Variants in RCAN2 observed in about 807,000 individuals in gnomAD.
The protein encoded by RCAN2 is regulator of calcineurin 2.
A neutral mutation model predicts 23.6 loss-of-function variants in RCAN2; 9 were observed. The ratio of observed to expected loss-of-function variants is 0.38; its 90% CI spans 0.23 to 0.67. The LOEUF (loss-of-function observed/expected upper bound fraction) is 0.67, where lower values mean the gene tolerates loss of function less well. Ranked by LOEUF, RCAN2 falls within the 30% of genes least tolerant of loss-of-function variation. The pLI is 0.51. For synonymous variants in RCAN2, 109 were observed against 115.7 expected (o/e 0.94, Z 0.37); for missense variants, 273 against 302.3 (o/e 0.90, Z 0.72).
chr6:46,316,585 T>C (rs1463250190), intron 2 of RCAN2, among the ~76,000 whole-genome samples: 1 of 152,196 alleles, frequency 6.6e-6, no homozygotes, highest in Non-Finnish European at 1.5e-5. Flanking sequence ...ACATAGGCTT[T>C]TGTATCCAAT....
chr6:46,229,502 G>C (rs56793406), intron 4 of RCAN2, among the ~76,000 whole-genome samples: 1 of 151,908 alleles, frequency 6.6e-6, no homozygotes, highest in Admixed American at 6.6e-5. Flanking sequence ...TTCTCTTCTC[G>C]CTTCATTTCA....
chr6:46,255,341 G>A (rs568934950), intron 2 of RCAN2, among the ~76,000 whole-genome samples: 3 of 152,190 alleles, frequency 2.0e-5, no homozygotes, highest in East Asian at 1.9e-4. Flanking sequence ...TGAGATGCCC[G>A]ACTATGAGAG....
intron 2 of RCAN2, among the ~76,000 whole-genome samples, chr6:46,311,962 T>C (rs567097138): frequency 2.6e-5 from 4 of 152,300 alleles, no homozygotes; most frequent in African/African-American, 9.6e-5. Context: ...GATGAGTCCA[T>C]ATTCTCATTT....
chr6:46,299,239 A>T (rs1015599308), intron 2 of RCAN2, among the ~76,000 whole-genome samples: 20 of 152,052 alleles, frequency 1.3e-4, no homozygotes, highest in Admixed American at 9.2e-4. Context: ...AAGTGGAGAA[A>T]GATGCACCTA....
At chr6:46,401,600 T>C (rs1561890538) in intron 2 of RCAN2, among the ~76,000 whole-genome samples, 3 of 152,134 alleles carry the variant, frequency 2.0e-5, no homozygotes, top group Non-Finnish European at 2.9e-5. Flanking sequence ...TCAATTTCAG[T>C]GTACTCAGGT....
chr6:46,346,676 T>C (rs1002034567), intron 2 of RCAN2, among the ~76,000 whole-genome samples: 28 of 152,092 alleles, frequency 1.8e-4, no homozygotes, highest in Non-Finnish European at 3.5e-4. Flanking sequence ...GTAACACACA[T>C]ACATATAAAA....
At chr6:46,274,293 G>T (rs1432700678) in intron 2 of RCAN2, among the ~76,000 whole-genome samples, 1 of 152,138 alleles carries the variant, frequency 6.6e-6, no homozygotes, top group African/African-American at 2.4e-5. Flanking sequence ...TATTCAGGTA[G>T]CTATATATAG....
chr6:46,342,314 C>A (rs898617831), intron 2 of RCAN2, among the ~76,000 whole-genome samples: 1 of 152,042 alleles, frequency 6.6e-6, no homozygotes, highest in Non-Finnish European at 1.5e-5. Context: ...TGTGCTGTGT[C>A]TCTGAGACAT....
intron 2 of RCAN2, among the ~76,000 whole-genome samples, chr6:46,408,834 T>A (rs1396038848): frequency 6.6e-5 from 10 of 152,210 alleles, no homozygotes; most frequent in Non-Finnish European, 2.9e-5. Flanking sequence ...CCAAGAAAAA[T>A]ATCATCCTTC....
chr6:46,339,884 G>C (rs1764250656), intron 2 of RCAN2, among the ~76,000 whole-genome samples: 1 of 151,894 alleles, frequency 6.6e-6, no homozygotes, highest in Non-Finnish European at 1.5e-5. Flanking sequence ...AATTTATTAG[G>C]CTACCTCAGT....
intron 2 of RCAN2, among the ~76,000 whole-genome samples, chr6:46,263,510 T>C (rs1767199542): frequency 2.1e-5 from 2 of 97,146 alleles, no homozygotes; most frequent in Admixed American, 1.0e-4. Flanking sequence ...TGTATGTGTG[T>C]GTATGTGTGT....
intron 2 of RCAN2, among the ~76,000 whole-genome samples, chr6:46,283,410 T>A (rs966243744): frequency 4.6e-5 from 7 of 152,080 alleles, no homozygotes; most frequent in African/African-American, 9.7e-5. Flanking sequence ...ACCACTATAC[T>A]CTAGCCTGGG....
chr6:46,467,940 A>G (rs1339964333), intron 1 of RCAN2, among the ~76,000 whole-genome samples: 1 of 152,336 alleles, frequency 6.6e-6, no homozygotes, highest in Admixed American at 6.5e-5. Context: ...ATGGACTGAC[A>G]GTAGTGGCTG....
intron 2 of RCAN2, among the ~76,000 whole-genome samples, chr6:46,367,022 G>GATATATATATATATATATATCTATATAT (rs1765191686): frequency 3.4e-5 from 2 of 59,690 alleles, no homozygotes; most frequent in Non-Finnish European, 3.9e-5. Flanking sequence ...ATCTGGGATG[G>GATATATATATATATATATATCTATATAT]ATATATATAT....
chr6:46,331,253 C>T (rs774438513), intron 2 of RCAN2, among the ~76,000 whole-genome samples: 1 of 151,812 alleles, frequency 6.6e-6, no homozygotes, highest in Non-Finnish European at 1.5e-5. Context: ...TCAAGTGATC[C>T]TCCTGCCTCA....
intron 1 of RCAN2, among the ~76,000 whole-genome samples, chr6:46,463,168 A>C (rs2150436728): frequency 6.6e-6 from 1 of 152,346 alleles, no homozygotes; most frequent in African/African-American, 2.4e-5. Flanking sequence ...TCCACTACAG[A>C]AACACTGAGT....
At chr6:46,255,606 G>A (rs1038455570) in intron 2 of RCAN2, among the ~76,000 whole-genome samples, 5 of 152,216 alleles carry the variant, frequency 3.3e-5, no homozygotes, top group Admixed American at 1.3e-4. Flanking sequence ...GACAGGGTGA[G>A]GATGATGGGA....
At chr6:46,380,946 A>C (rs1033150055) in intron 2 of RCAN2, among the ~76,000 whole-genome samples, 2 of 152,220 alleles carry the variant, frequency 1.3e-5, no homozygotes, top group Non-Finnish European at 2.9e-5. Context: ...GTGATACAGA[A>C]AGTAAACAAA....
intron 2 of RCAN2, among the ~76,000 whole-genome samples, chr6:46,327,920 A>T (rs572983687): frequency 6.6e-6 from 1 of 152,328 alleles, no homozygotes; most frequent in Admixed American, 6.5e-5. Flanking sequence ...ACGTTATGCC[A>T]TATCAGTGAC....
Sources: gnomAD v4.1 joint callset for allele counts (sites outside exome capture counted in the v4.1 genomes callset) on GRCh38, gnomAD v4.1.1 for gene constraint, MANE v1.5 for transcripts, NCBI Gene and HGNC (gene_info 2026-07-23, HGNC 2026-07-21) for gene names.